The following SPATA16 variants were observed in gnomAD, a reference collection of about 807,000 sequenced individuals.
SPATA16 encodes spermatogenesis associated 16.
In SPATA16, 36 loss-of-function variants were observed where a neutral mutation model predicts 63.3. That is an observed-to-expected ratio of 0.57 (90% CI 0.44 to 0.75). The LOEUF (loss-of-function observed/expected upper bound fraction) is 0.75, where lower values mean the gene tolerates loss of function less well. SPATA16 is among the 30% of genes least tolerant of loss of function. The pLI is 0.00. For synonymous variants in SPATA16, 203 were observed against 216.7 expected (o/e 0.94, Z 0.56); for missense variants, 646 against 679.3 (o/e 0.95, Z 0.54).
chr3:173,114,156 G>C (rs1167601385), intron 2 of SPATA16, among the ~76,000 whole-genome samples: 1 of 147,416 alleles, frequency 6.8e-6, no homozygotes, highest in Non-Finnish European at 1.5e-5. Flanking sequence ...CTCCAGCCTG[G>C]GCAACAGAGC....
intron 1 of SPATA16, among the ~76,000 whole-genome samples, chr3:173,119,630 G>C (rs1738002510): frequency 6.6e-6 from 1 of 152,170 alleles, no homozygotes; most frequent in African/African-American, 2.4e-5. Flanking sequence ...CAGTAGGGTT[G>C]TGTTTCTATA....
chr3:173,085,151 A>G (rs1460979106), intron 2 of SPATA16, among the ~76,000 whole-genome samples: 3 of 152,194 alleles, frequency 2.0e-5, no homozygotes, highest in African/African-American at 7.2e-5. Context: ...ATCCATGAGC[A>G]TAGGATGTTT....
intron 2 of SPATA16, among the ~76,000 whole-genome samples, chr3:173,097,065 C>T (rs1430486285): frequency 6.6e-6 from 1 of 152,098 alleles, no homozygotes; most frequent in Admixed American, 6.6e-5. Flanking sequence ...TAGAAATAAA[C>T]ATTTATAAAT....
At chr3:173,117,063 G>A in intron 2 of SPATA16, 57 bp downstream of exon 2, 1 of 1,541,674 alleles carries the variant, frequency 6.5e-7, no homozygotes, top group South Asian at 1.1e-5. Flanking sequence ...CAATGTAATT[G>A]CAACTTTCCA....
In SPATA16 at chr3:173,064,320, C is replaced by CAAAAAA. The variant is rs59773490; in HGVS notation, c.613-15232_613-15227dup. Among the ~76,000 whole-genome samples the CAAAAAA allele has an allele frequency of 2.8e-4, 16 of 57,646 alleles. 2 individuals carry two copies. Among genetic ancestry groups the CAAAAAA allele is most frequent in the Middle Eastern group, 0.016 (1 of 64 alleles). 37.8% of individuals were successfully genotyped at this position (57,646 alleles called of 152,430 possible). A position where few individuals can be genotyped will look rare whatever the true frequency, so the allele number is the denominator to read the frequency against. ...GAAACTCCATCACACACACGCACAC[C>CAAAAAA]AAAAAAAAAAAAAAAAAAAAGGAAG... On this transcript the variant is annotated intron_variant, in intron 2 of 10. Coordinates refer to ENST00000351008, the MANE Select transcript of SPATA16 (RefSeq NM_031955.6).
At chr3:173,092,923 T>G (rs1006255648) in intron 2 of SPATA16, among the ~76,000 whole-genome samples, 2 of 152,110 alleles carry the variant, frequency 1.3e-5, no homozygotes, top group Non-Finnish European at 2.9e-5. Flanking sequence ...TCCTGTCTTC[T>G]TTTTCTGAAG....
intron 4 of SPATA16, among the ~76,000 whole-genome samples, chr3:172,992,933 A>G (rs1402459127): frequency 1.3e-5 from 2 of 152,204 alleles, no homozygotes; most frequent in African/African-American, 4.8e-5. Flanking sequence ...TACAGAAATC[A>G]CTTGATAGAG....
chr3:172,947,465 A>G (rs374119757), intron 6 of SPATA16, among the ~76,000 whole-genome samples: 1 of 152,146 alleles, frequency 6.6e-6, no homozygotes, highest in Non-Finnish European at 1.5e-5. Context: ...GGATTTGTTC[A>G]TACCTTTCCA....
intron 4 of SPATA16, among the ~76,000 whole-genome samples, chr3:173,005,554 C>A (rs914072059): frequency 2.6e-5 from 4 of 151,956 alleles, no homozygotes; most frequent in Non-Finnish European, 5.9e-5. Context: ...CCAATATTTG[C>A]AGAAAGTGCA....
At chr3:173,097,155 G>A (rs780904429) in intron 2 of SPATA16, among the ~76,000 whole-genome samples, 7 of 152,064 alleles carry the variant, frequency 4.6e-5, no homozygotes, top group Admixed American at 2.6e-4. Context: ...TCATCCTTTT[G>A]TCTCACATAT....
chr3:173,123,167 T>G (rs1488167629), intron 1 of SPATA16, among the ~76,000 whole-genome samples: 2 of 152,252 alleles, frequency 1.3e-5, no homozygotes, highest in African/African-American at 4.8e-5. Flanking sequence ...AACCATCCAG[T>G]GTTATATACA....
At chr3:172,899,950 T>C (rs933225273) in intron 10 of SPATA16, among the ~76,000 whole-genome samples, 6 of 152,174 alleles carry the variant, frequency 3.9e-5, no homozygotes, top group African/African-American at 1.4e-4. Context: ...ACAATGTTAT[T>C]ATTTTTGTTT....
intron 3 of SPATA16, among the ~76,000 whole-genome samples, chr3:173,041,945 A>G (rs1735849623): frequency 6.6e-6 from 1 of 152,194 alleles, no homozygotes; most frequent in African/African-American, 2.4e-5. Context: ...CTAAAACTTA[A>G]AGTATAAAAA....
At chr3:173,010,465 TG>T (rs1398250479) in intron 4 of SPATA16, among the ~76,000 whole-genome samples, 16 of 151,586 alleles carry the variant, frequency 1.1e-4, no homozygotes, top group African/African-American at 3.9e-4. Flanking sequence ...TGTGTGTGTG[TG>T]TGTGTTTGTT....
At chr3:173,038,392 A>G (rs1735762615) in intron 3 of SPATA16, among the ~76,000 whole-genome samples, 1 of 152,092 alleles carries the variant, frequency 6.6e-6, no homozygotes. Context: ...TTCAGTGGGA[A>G]TGAGCCTTAG....
At chr3:173,096,238 G>A (rs960649473) in intron 2 of SPATA16, among the ~76,000 whole-genome samples, 7 of 151,994 alleles carry the variant, frequency 4.6e-5, no homozygotes, top group African/African-American at 7.2e-5. Flanking sequence ...GATGGTAATC[G>A]GGTTCTAATG....
At chr3:172,986,661 T>C (rs1734466077) in intron 4 of SPATA16, among the ~76,000 whole-genome samples, 1 of 152,152 alleles carries the variant, frequency 6.6e-6, no homozygotes, top group African/African-American at 2.4e-5. Context: ...ACTATCTTGC[T>C]GCATTTTGAG....
At chr3:173,033,487 C>T (rs545223131) in intron 3 of SPATA16, among the ~76,000 whole-genome samples, 1 of 152,008 alleles carries the variant, frequency 6.6e-6, no homozygotes, top group East Asian at 1.9e-4. Flanking sequence ...ATTATCTTTC[C>T]TTTGGAGTCT....
chr3:172,898,874 T>G (rs1732065191), intron 10 of SPATA16, among the ~76,000 whole-genome samples: 1 of 150,886 alleles, frequency 6.6e-6, no homozygotes, highest in Non-Finnish European at 1.5e-5. Context: ...CTCATTGCTA[T>G]TTTACCTGTA....
Sources: gnomAD v4.1 joint callset for allele counts (sites outside exome capture counted in the v4.1 genomes callset) on GRCh38, gnomAD v4.1.1 for gene constraint, MANE v1.5 for transcripts, NCBI Gene and HGNC (gene_info 2026-07-23, HGNC 2026-07-21) for gene names.